Variants in CDC42BPA observed in about 807,000 individuals in gnomAD.
The protein encoded by CDC42BPA is CDC42 binding protein kinase alpha.
CDC42BPA carries 80 observed loss-of-function variants against 223.5 expected under a neutral mutation model. The observed-to-expected ratio is 0.36, with a 90% CI of 0.30 to 0.43. The LOEUF is 0.43. Among genes scored for constraint, CDC42BPA ranks in the 20% least tolerant of loss-of-function variants. CDC42BPA has a pLI of 1.00. For synonymous variants in CDC42BPA, 694 were observed against 718.6 expected (o/e 0.97, Z 0.55); for missense variants, 1,743 against 2,099.9 (o/e 0.83, Z 3.32).
Position 227,141,569 on chromosome 1 carries a change from G to T in CDC42BPA, c.1223+1376C>A, listed in dbSNP as rs144222998. On this transcript the variant is annotated intron_variant, in intron 9 of 36. Coordinates refer to ENST00000366766, the MANE Select transcript of CDC42BPA (RefSeq NM_001394014.1). ...AATATGGTAACTGGAGCTTGTGGAA[G>T]TTGTCTGCGGTTTGCCTCAATCCTT... Among the ~76,000 whole-genome samples the T allele has an allele frequency of 1.4e-3, 213 of 152,320 alleles. 1 individual carries two copies. The highest frequency in any genetic ancestry group is 4.6e-3 in the African/African-American group (191 of 41,574).
intron 5 of CDC42BPA, among the ~76,000 whole-genome samples, chr1:227,168,361 T>C (rs1665424509): frequency 6.6e-6 from 1 of 152,210 alleles, no homozygotes; most frequent in Non-Finnish European, 1.5e-5. Flanking sequence ...CATCTCTTAA[T>C]GGAATTGTAG....
intron 1 of CDC42BPA, among the ~76,000 whole-genome samples, chr1:227,284,820 G>T (rs1688552276): frequency 6.6e-6 from 1 of 151,900 alleles, no homozygotes; most frequent in Non-Finnish European, 1.5e-5. Context: ...AAATTAGCCG[G>T]GCATGATGGT....
chr1:227,312,757 C>A (rs576601522), intron 1 of CDC42BPA, among the ~76,000 whole-genome samples: 3 of 151,778 alleles, frequency 2.0e-5, no homozygotes, highest in Admixed American at 1.3e-4. Flanking sequence ...AGGGACCTGG[C>A]GGGAGGTGAC....
chr1:227,172,140 AAAG>A (rs1295723518), intron 5 of CDC42BPA, among the ~76,000 whole-genome samples: 6 of 152,234 alleles, frequency 3.9e-5, no homozygotes, highest in African/African-American at 1.2e-4. Context: ...ATCAGTAATA[AAAG>A]AAAGTCCACA....
At chr1:227,121,308 A>G (rs577004692) in intron 11 of CDC42BPA, among the ~76,000 whole-genome samples, 86 of 152,328 alleles carry the variant, frequency 5.6e-4, no homozygotes, top group African/African-American at 2.0e-3. Flanking sequence ...TATTGTTGAG[A>G]CTGATGCTTT....
intron 21 of CDC42BPA, among the ~76,000 whole-genome samples, chr1:227,060,716 A>AGTTTTTTTTTTTTTTTTTTTTTTTT (rs1373925166): frequency 3.2e-5 from 4 of 126,526 alleles, no homozygotes; most frequent in Non-Finnish European, 4.9e-5. Context: ...GTAAATAGGT[A>AGTTTTTTTTTTTTTTTTTTTTTTTT]CTTTTTTTTT....
Position 227,132,581 on chromosome 1 carries a change from C to G in CDC42BPA, c.1391-3350G>C, listed in dbSNP as rs545556692. ...GTCTGGGAAGTGAGGAGCGTCTCTG[C>G]CTGGCCGCCCATCGTCTGGGATGTG... On this transcript the variant is annotated intron_variant, in intron 10 of 36. Coordinates refer to ENST00000366766, the MANE Select transcript of CDC42BPA (RefSeq NM_001394014.1). Among the ~76,000 whole-genome samples, 247 of 147,832 alleles carry G rather than the reference C, an allele frequency of 1.7e-3. 5 individuals carry two copies. Among genetic ancestry groups the G allele is most frequent in the African/African-American group, 5.4e-3 (213 of 39,532 alleles).
At chr1:227,156,440 TGCCATAGGCCTCTCAAAGACTTTGAGA>T (rs1662812289) in intron 6 of CDC42BPA, among the ~76,000 whole-genome samples, 2 of 2,716 alleles carry the variant, frequency 7.4e-4, no homozygotes. Flanking sequence ...TTGAGAGGCC[TGCCATAGGCCTCTCAAAGACTTTGAGA>T]GGCCTGCCAT....
chr1:227,110,191 T>A (rs1164726429), intron 14 of CDC42BPA, among the ~76,000 whole-genome samples: 1 of 152,138 alleles, frequency 6.6e-6, no homozygotes, highest in East Asian at 1.9e-4. Context: ...AAGTGAGATA[T>A]TGAAGTCCTT....
rs1660822917 is a variant in CDC42BPA at position 226,992,059 on chromosome 1, G to C, written c.*2209C>G. 1 of 146,214 alleles carries C rather than the reference G, an allele frequency of 6.8e-6. No homozygotes were observed. Among genetic ancestry groups the C allele is most frequent in the Admixed American group, 6.8e-5 (1 of 14,668 alleles). 9.1% of individuals were successfully genotyped at this position (146,214 alleles called of 1,614,324 possible). On this transcript the variant is annotated 3_prime_UTR_variant, in exon 37 of 37. Coordinates refer to ENST00000366766, the MANE Select transcript of CDC42BPA (RefSeq NM_001394014.1). ...GGAGAGTGAGGAGGGTGGGGAGAGT[G>C]GGGAGGAGAGGAGAGAAGGGTGGAC...
intron 2 of CDC42BPA, among the ~76,000 whole-genome samples, chr1:227,222,298 TAGG>T (rs1172689435): frequency 2.7e-4 from 41 of 151,710 alleles, no homozygotes; most frequent in Admixed American, 2.7e-3. Context: ...CACTTAAAGT[TAGG>T]AGTTTGAGAC....
rs543153662 is a variant in CDC42BPA, at chr1:227,306,013, G to A, written c.178+10992C>T. Reference sequence around the variant, plus strand: ...AGTGAAGAAAAAGAGAAGTAAACAGGATCATATTAAAAATTCTGTATGGCA... The same window carrying A: ...AGTGAAGAAAAAGAGAAGTAAACAGAATCATATTAAAAATTCTGTATGGCA... On this transcript the variant is annotated intron_variant, in intron 1 of 36. Transcript: ENST00000366766. Among the ~76,000 whole-genome samples, 190 of 152,004 alleles carry A rather than the reference G, an allele frequency of 1.2e-3. 1 individual carries two copies. Among genetic ancestry groups the A allele is most frequent in the South Asian group, 1.0e-2 (48 of 4,810 alleles).
rs1263490050 is a variant in CDC42BPA, at chr1:227,005,168, A to G, written c.4858-57T>C. The G allele has an allele frequency of 8.8e-6, 10 of 1,134,274 alleles. No homozygotes were observed. In the Admixed American group the frequency reaches 1.6e-4, roughly 18 times the overall value. 70.3% of individuals were successfully genotyped at this position (1,134,274 alleles called of 1,614,324 possible). A position where few individuals can be genotyped will look rare whatever the true frequency, so the allele number is the denominator to read the frequency against. The stretch of plus-strand genomic sequence containing the variant: ...GCCAGAAAGAAACTGATTTTTCTGC[A>G]GAGATGTCTATTTTTCACTATAATT... On this transcript the variant is annotated intron_variant, in intron 34 of 36. Coordinates refer to ENST00000366766, the MANE Select transcript of CDC42BPA (RefSeq NM_001394014.1).
chr1:227,223,676 T>C (rs1488416593), intron 2 of CDC42BPA, among the ~76,000 whole-genome samples: 1 of 152,236 alleles, frequency 6.6e-6, no homozygotes, highest in Non-Finnish European at 1.5e-5. Context: ...ACTATCACTA[T>C]TACCTTTCTA....
chr1:227,195,350 C>G (rs1670491263), intron 4 of CDC42BPA, among the ~76,000 whole-genome samples: 1 of 152,134 alleles, frequency 6.6e-6, no homozygotes, highest in Non-Finnish European at 1.5e-5. Flanking sequence ...CGCACCACCA[C>G]ACCCAGCTAA....
chr1:227,140,153 G>A (rs1227857807), intron 9 of CDC42BPA, among the ~76,000 whole-genome samples: 2 of 152,114 alleles, frequency 1.3e-5, no homozygotes. Flanking sequence ...GCAAGTTTCT[G>A]TCTTTAATTC....
At chr1:227,043,609 G>C (rs1244724561) in intron 23 of CDC42BPA, among the ~76,000 whole-genome samples, 1 of 152,052 alleles carries the variant, frequency 6.6e-6, no homozygotes, top group East Asian at 1.9e-4. Flanking sequence ...CAGCTTGATA[G>C]AAGCCTCACT....
intron 34 of CDC42BPA, among the ~76,000 whole-genome samples, chr1:227,010,362 T>C (rs1375412044): frequency 6.6e-6 from 1 of 152,214 alleles, no homozygotes; most frequent in Non-Finnish European, 1.5e-5. Context: ...TACTCATTAA[T>C]ATTAATTTTT....
intron 1 of CDC42BPA, among the ~76,000 whole-genome samples, chr1:227,282,927 A>ACAAC (rs1553433919): frequency 1.3e-5 from 2 of 152,244 alleles, no homozygotes; most frequent in Non-Finnish European, 2.9e-5. Context: ...GGATGGTTGC[A>ACAAC]CAACAATGTG....
Sources: gnomAD v4.1 joint callset for allele counts (sites outside exome capture counted in the v4.1 genomes callset) on GRCh38, gnomAD v4.1.1 for gene constraint, MANE v1.5 for transcripts, NCBI Gene and HGNC (gene_info 2026-07-23, HGNC 2026-07-21) for gene names.